The following PARP6 variants were observed in gnomAD, a reference collection of about 807,000 sequenced individuals.
PARP6 encodes the protein protein mono-ADP-ribosyltransferase PARP6.
A neutral mutation model predicts 92.0 loss-of-function variants in PARP6; 27 were observed. That is an observed-to-expected ratio of 0.29 (90% CI 0.22 to 0.40). The LOEUF (loss-of-function observed/expected upper bound fraction) is 0.40, where lower values mean the gene tolerates loss of function less well. PARP6 is among the 10% of genes least tolerant of loss of function. The probability of loss-of-function intolerance (pLI) is 1.00; values close to 1 mark genes in which losing one functional copy is unlikely to be tolerated. For missense variants in PARP6, 501 were observed against 784.5 expected (o/e 0.64, Z 4.32); for synonymous variants, 272 against 281.2 (o/e 0.97, Z 0.33).
rs1365035606 is a variant in PARP6, at chr15:72,242,394, C to T, written c.1642-174G>A. Among the ~76,000 whole-genome samples the T allele has an allele frequency of 1.3e-5, 2 of 152,202 alleles. No homozygotes were observed. Among genetic ancestry groups the T allele is most frequent in the East Asian group, 3.9e-4 (2 of 5,194 alleles). ...CCCATAATCAGTCTGGATAGGGTCACAGCTTCCATCTTTACATTTTCATCT... is the reference window on the plus strand; with the variant it reads ...CCCATAATCAGTCTGGATAGGGTCATAGCTTCCATCTTTACATTTTCATCT... On this transcript the variant is annotated intron_variant, in intron 21 of 23. Coordinates refer to ENST00000569795, the MANE Select transcript of PARP6 (RefSeq NM_001323532.2). The surrounding 1 kb of genome is among the most constrained non-coding windows in gnomAD (Gnocchi z 4.3).
intron 3 of PARP6, 32 bp downstream of exon 3, chr15:72,267,443 A>G (rs747515649): frequency 1.9e-6 from 3 of 1,611,940 alleles, no homozygotes; most frequent in African/African-American, 2.7e-5. Context: ...CCTTTGAACA[A>G]TCAGTTGGAG....
chr15:72,261,755 G>A (rs747263689), intron 8 of PARP6, 48 bp from the exon 9 acceptor site: 1 of 1,578,976 alleles, frequency 6.3e-7, no homozygotes, highest in East Asian at 2.2e-5. Context: ...GCAGGGTCAA[G>A]AAATAAGGAC....
chr15:72,257,895 C>G (rs2085336599), intron 12 of PARP6, 142 bp downstream of exon 12: 2 of 655,650 alleles, frequency 3.1e-6, no homozygotes, highest in Non-Finnish European at 5.5e-6. Context: ...GACTTGTTTT[C>G]TGAGAAAAAT....
chr15:72,254,350 T>C (rs370911495), intron 15 of PARP6, 105 bp downstream of exon 15: 9 of 777,456 alleles, frequency 1.2e-5, no homozygotes, highest in African/African-American at 7.0e-5. Context: ...AAAAATACAG[T>C]GCGTAGCATC....
At chr15:72,261,173 A>G (rs2085836152) in intron 9 of PARP6, among the ~76,000 whole-genome samples, 1 of 152,190 alleles carries the variant, frequency 6.6e-6, no homozygotes, top group South Asian at 2.1e-4. Context: ...CACAGGGGGA[A>G]AATGTAGACC....
chr15:72,265,748 C>G, intron 5 of PARP6, 149 bp downstream of exon 5: 1 of 666,472 alleles, frequency 1.5e-6, no homozygotes, highest in Non-Finnish European at 2.6e-6. Context: ...ACTCTCTACT[C>G]TCAGCCAAGC....
Position 72,264,582 on chromosome 15 carries a change from C to T in PARP6, c.368G>A (p.Gly123Glu), listed in dbSNP as rs2086320198. The change falls in exon 8 of 24, where the codon GGA becomes GAA. Residue 123 changes from glycine (G) to glutamate (E), a missense_variant. Gly to Glu is a moderately conservative substitution (Grantham distance 98, BLOSUM62 -2). This residue lies in a region of PARP6 where 291 missense variants were observed against 352.0 expected (regional missense o/e 0.83). Coordinates refer to ENST00000569795, the MANE Select transcript of PARP6 (RefSeq NM_001323532.2). ...IEVFQPSNKE[G>E]FGLGLQLKKI... Reference sequence around the variant, plus strand: ...TTTCAACTGAAGACCCAGCCCAAATCCTTCCTTATTTGATGGCTGGAAAAC... The same window carrying T: ...TTTCAACTGAAGACCCAGCCCAAATTCTTCCTTATTTGATGGCTGGAAAAC... 3 of 1,614,038 alleles carry T rather than the reference C, an allele frequency of 1.9e-6. No individual in the cohort carries two copies. The highest frequency in any genetic ancestry group is 2.5e-6 in the Non-Finnish European group (3 of 1,179,928).
At chr15:72,269,565 A>G (rs1379251319) in intron 2 of PARP6, among the ~76,000 whole-genome samples, 1 of 152,080 alleles carries the variant, frequency 6.6e-6, no homozygotes, top group Non-Finnish European at 1.5e-5. Context: ...CTTGTTAGAA[A>G]TGCAAATTCT....
rs564280296 is a variant in PARP6 at position 72,242,457 on chromosome 15, A to G, written c.1641+163T>C. Among the ~76,000 whole-genome samples the G allele has an allele frequency of 1.1e-4, 16 of 152,316 alleles. No homozygotes were observed. The highest frequency in any genetic ancestry group is 9.8e-4 in the Admixed American group (15 of 15,296). ...TGCTTTTATACTCATGACTTCAGCTACATATGACTCCAGACGTGTGTTCAC... is the reference window on the plus strand; with the variant it reads ...TGCTTTTATACTCATGACTTCAGCTGCATATGACTCCAGACGTGTGTTCAC... On this transcript the variant is annotated intron_variant, in intron 21 of 23. Coordinates refer to ENST00000569795, the MANE Select transcript of PARP6 (RefSeq NM_001323532.2). This position sits in a 1 kb window ranked among gnomAD's most constrained non-coding sequence, Gnocchi z 4.3.
At chr15:72,271,390 A>T (rs568782399) in intron 1 of PARP6, 103 bp from the exon 2 acceptor site, 1 of 152,344 alleles carries the variant, frequency 6.6e-6, no homozygotes, top group South Asian at 2.1e-4. Context: ...CTTTAGTGAA[A>T]GGGACTTGCT....
At chr15:72,249,440 C>A (rs2140937472) in intron 19 of PARP6, 126 bp from the exon 20 acceptor site, 1 of 544,926 alleles carries the variant, frequency 1.8e-6, no homozygotes. Context: ...TAACCCTAAG[C>A]ACCTATTCTC....
intron 2 of PARP6, 47 bp from the exon 3 acceptor site, chr15:72,267,718 G>T: frequency 1.8e-6 from 1 of 540,712 alleles, no homozygotes. Flanking sequence ...TTAATAGCTG[G>T]GTGGTGTATA....
At chr15:72,260,723 G>T in intron 9 of PARP6, 35 bp from the exon 10 acceptor site, 2 of 1,531,080 alleles carry the variant, frequency 1.3e-6, no homozygotes, top group South Asian at 1.1e-5. Context: ...TGATAAAACT[G>T]GGGATTTCAT....
rs994417052 is a variant in PARP6 at position 72,259,667 on chromosome 15, G to A, written c.757-6C>T. ...TTCTTGCAGTGACCACTGACCTGGTGAGAGTAAAAAGACAGACCCCGTGAA... is the reference window on the plus strand; with the variant it reads ...TTCTTGCAGTGACCACTGACCTGGTAAGAGTAAAAAGACAGACCCCGTGAA... On this transcript the variant is annotated splice_region_variant and splice_polypyrimidine_tract_variant and intron_variant, in intron 10 of 23. Transcript: ENST00000569795. The A allele has an allele frequency of 2.5e-6, 4 of 1,613,828 alleles. No homozygotes were observed. The highest frequency in any genetic ancestry group is 1.1e-5 in the South Asian group (1 of 91,054).
chr15:72,253,100 T>C (rs796519000), intron 16 of PARP6, among the ~76,000 whole-genome samples: 38 of 149,362 alleles, frequency 2.5e-4, no homozygotes, highest in African/African-American at 9.4e-4. Flanking sequence ...ACTTGAGCAC[T>C]GAAGGGCAAG....
In PARP6 at chr15:72,260,509, C is replaced by T. The variant is rs1414436382; in HGVS notation, c.725G>A (p.Gly242Asp). ...QAGLLCPQHV[G>D]LPPPARTSPL... The stretch of plus-strand genomic sequence containing the variant: ...AGAGGTCCGTGCTGGGGGAGGGAGG[C>T]CCACGTGCTGAGGGCACAGGAGACC... The change falls in exon 10 of 24, where the codon GGC becomes GAC. Residue 242 changes from glycine to aspartate, a missense_variant. Coordinates refer to ENST00000569795, the MANE Select transcript of PARP6 (RefSeq NM_001323532.2). 6.2e-7 allele frequency: 1 copy of T among 1,614,108 alleles called. No individual in the cohort carries two copies. The highest frequency in any genetic ancestry group is 1.7e-5 in the Admixed American group (1 of 60,028).
Position 72,242,325 on chromosome 15 carries a change from T to G in PARP6, c.1642-105A>C. Reference sequence around the variant, plus strand: ...TTGGGAGTGGGGATCAGAGATATCCTGGGCTCCCAGCAACACCCCTCGCCG... The same window carrying G: ...TTGGGAGTGGGGATCAGAGATATCCGGGGCTCCCAGCAACACCCCTCGCCG... On this transcript the variant is annotated intron_variant, in intron 21 of 23. Coordinates refer to ENST00000569795, the MANE Select transcript of PARP6 (RefSeq NM_001323532.2). The surrounding 1 kb of genome is among the most constrained non-coding windows in gnomAD (Gnocchi z 4.3). 1 of 915,698 alleles carries G rather than the reference T, an allele frequency of 1.1e-6. No individual in the cohort carries two copies. Among genetic ancestry groups the G allele is most frequent in the Admixed American group, 2.0e-5 (1 of 50,862 alleles). 56.7% of individuals were successfully genotyped at this position (915,698 alleles called of 1,614,324 possible).
Position 72,257,338 on chromosome 15 carries a change from T to G in PARP6, c.999+10A>C. 6.2e-7 allele frequency: 1 copy of G among 1,600,342 alleles called. No individual in the cohort carries two copies. The highest frequency in any genetic ancestry group is 2.2e-5 in the East Asian group (1 of 44,798). ...TCCCAATTCCCCAGCCACGTTTCCC[T>G]CCCCCATACCTCTGCTCCAGTGGCC... On this transcript the variant is annotated intron_variant, in intron 13 of 23. Transcript: ENST00000569795.
At chr15:72,269,955 G>A (rs540042875) in intron 2 of PARP6, among the ~76,000 whole-genome samples, 97 of 151,192 alleles carry the variant, frequency 6.4e-4, no homozygotes, top group Non-Finnish European at 1.3e-3. Context: ...ATTGGACCCA[G>A]TAATCTGTGT....
Sources: allele counts gnomAD v4.1 joint callset (sites outside exome capture counted in the v4.1 genomes callset), GRCh38; gene constraint gnomAD v4.1.1; regional missense constraint gnomAD v4.1.1; non-coding constraint Gnocchi (gnomAD v3.1); transcripts MANE v1.5; gene names NCBI Gene and HGNC (gene_info 2026-07-23, HGNC 2026-07-21).